Variants in RHPN1 observed in about 807,000 individuals in gnomAD.
RHPN1 encodes rhophilin Rho GTPase binding protein 1, also known as rhophilin-1.
RHPN1 carries 77 observed loss-of-function variants against 74.7 expected under a neutral mutation model. That is an observed-to-expected ratio of 1.03 (90% CI 0.86 to 1.25). RHPN1 has a LOEUF of 1.25. RHPN1 is among the 50% of genes most tolerant of loss of function. RHPN1 has a pLI of 0.00. For missense variants in RHPN1, 987 were observed against 932.2 expected (o/e 1.06, Z -0.77); for synonymous variants, 444 against 414.5 (o/e 1.07, Z -0.87).
chr8:143,366,968 T>C (rs1051926070), upstream of RHPN1: 1 of 152,242 alleles, frequency 6.6e-6, no homozygotes, highest in East Asian at 1.9e-4. Context: ...AGTGTGAACT[T>C]TGGAAGCATC....
upstream of RHPN1, among the ~76,000 whole-genome samples, chr8:143,364,486 C>A (rs1350611454): frequency 6.6e-6 from 1 of 152,148 alleles, no homozygotes; most frequent in African/African-American, 2.4e-5. This position sits in a 1 kb window ranked among gnomAD's most constrained non-coding sequence, Gnocchi z 4.5. Flanking sequence ...GGAGGCCCCA[C>A]CAGGGCCTGG....
In RHPN1 at chr8:143,382,562, C is replaced by T. The variant is rs1563806962; in HGVS notation, c.1924C>T (p.Gln642Ter). 6 of 1,611,672 alleles carry T rather than the reference C, an allele frequency of 3.7e-6. No homozygotes were observed. The highest frequency in any genetic ancestry group is 1.7e-6 in the Non-Finnish European group (2 of 1,179,712). ...RPLLNWSRKA[Q>*]QGKTGGCPQP... ...CCTCCTCAACTGGAGCCGAAAGGCC[C>T]AGCAGGGCAAGACTGGAGGCTGCCC... The change falls in exon 15 of 15, where the codon CAG (glutamine) becomes TAG (stop). Residue 642 changes from glutamine (Q) to a stop codon, truncating the protein, a stop_gained. Coordinates refer to ENST00000289013, the MANE Select transcript of RHPN1 (RefSeq NM_052924.3). LOFTEE classifies it low-confidence loss of function (END_TRUNC).
rs1297358244 is a variant in RHPN1 at position 143,380,646 on chromosome 8, C to T, written c.1274C>T (p.Ala425Val). Residue 425 changes from alanine to valine, a missense_variant, in exon 11 of 15, where the codon GCC becomes GTC. By Grantham distance (64) the Ala-to-Val change is moderately conservative. Transcript: ENST00000289013. ...LGQEEALRLHALCRVLREVDL... is the reference protein window; with the variant it reads ...LGQEEALRLHVLCRVLREVDL... ...CAGGAGGAGGCGCTGCGGCTGCACG[C>T]CCTGTGCCGCGTCCTGCGCGAGGTG... The T allele has an allele frequency of 1.3e-6, 2 of 1,563,488 alleles. No homozygotes were observed. The highest frequency in any genetic ancestry group is 1.7e-6 in the Non-Finnish European group (2 of 1,154,610).
chr8:143,381,546 G>A, intron 12 of RHPN1, 26 bp from the exon 13 acceptor site: 1 of 1,593,524 alleles, frequency 6.3e-7, no homozygotes, highest in Non-Finnish European at 8.5e-7. Flanking sequence ...GCCCAGCTGG[G>A]CCTCTGACCT....
rs1001752756 is a variant in RHPN1, at chr8:143,379,464, C to G, written c.901C>G (p.Gln301Glu). The change falls in exon 8 of 15, where the codon CAA (glutamine) becomes GAA (glutamate). Residue 301 changes from glutamine to glutamate, a missense_variant. Coordinates refer to ENST00000289013, the MANE Select transcript of RHPN1 (RefSeq NM_052924.3). Reference sequence around the variant, plus strand: ...CTCACCACCTGCCTCCATGGCCCCCCAAGACTGCCTGGCCCAGCTGCGCCT... The same window carrying G: ...CTCACCACCTGCCTCCATGGCCCCCGAAGACTGCCTGGCCCAGCTGCGCCT... ...GLSPPASMAP[Q>E]DCLAQLRLAQ... 6.4e-7 allele frequency: 1 copy of G among 1,570,110 alleles called. No individual in the cohort carries two copies. Among genetic ancestry groups the G allele is most frequent in the African/African-American group, 1.4e-5 (1 of 73,724 alleles).
At chr8:143,371,340 G>T (rs1201510818) in intron 1 of RHPN1, among the ~76,000 whole-genome samples, 1 of 152,126 alleles carries the variant, frequency 6.6e-6, no homozygotes, top group Non-Finnish European at 1.5e-5. Context: ...CTTCAGTGGG[G>T]GCAGAGGAGA....
Position 143,381,685 on chromosome 8 carries a change from C to A in RHPN1, c.1602C>A (p.Leu534=), listed in dbSNP as rs1230286072. Residue 534 remains leucine, a synonymous_variant, in exon 13 of 15, where the codon CTC becomes CTA. Transcript: ENST00000289013. ...CGCTTCGGGGAGACTCGCCTGTCCT[C>A]ATCGCTGCCGTCATTCCAGGGAGCC... ...GLTLRGDSPV[L]IAAVIPGSQA... is the part of the protein sequence containing the mutation. 1.9e-6 allele frequency: 3 copies of A among 1,611,404 alleles called. No homozygotes were observed. In the Admixed American group the frequency reaches 5.0e-5, roughly 27 times the overall value.
At chr8:143,365,818 G>A (rs563995550), upstream of RHPN1, among the ~76,000 whole-genome samples, 32 of 152,032 alleles carry the variant, frequency 2.1e-4, no homozygotes, top group South Asian at 1.0e-3. Flanking sequence ...GCAACATAGC[G>A]AGACCCCATC....
intron 11 of RHPN1, 86 bp from the exon 12 acceptor site, chr8:143,381,182 C>T: frequency 8.5e-7 from 1 of 1,181,096 alleles, no homozygotes. Context: ...CCTGTGTGCA[C>T]TCAGGGTCAT....
chr8:143,376,870 A>ATGTGTGCATTG (rs56074270), intron 3 of RHPN1, among the ~76,000 whole-genome samples: 145,341 of 148,398 alleles, frequency 0.98, 71,202 homozygotes, highest in South Asian at 0.99. Flanking sequence ...CTGTGTGTAT[A>ATGTGTGCATTG]TGTGTGTGCA....
At chr8:143,379,541 G>T (rs775652244) in intron 8 of RHPN1, 33 bp downstream of exon 8, 2 of 1,517,208 alleles carry the variant, frequency 1.3e-6, no homozygotes, top group Non-Finnish European at 1.8e-6. Context: ...GGATGCAGGG[G>T]GTGGGGCCGA....
chr8:143,381,505 T>A, intron 12 of RHPN1, 67 bp from the exon 13 acceptor site: 1 of 1,541,724 alleles, frequency 6.5e-7, no homozygotes, highest in Non-Finnish European at 8.7e-7. Context: ...TGGATGGATG[T>A]GCTAGTCAGG....
Position 143,378,795 on chromosome 8 carries a change from A to C in RHPN1, c.559A>C (p.Arg187=). The change falls in exon 6 of 15, where the codon AGG becomes CGG. Residue 187 remains arginine (R), a synonymous_variant. Coordinates refer to ENST00000289013, the MANE Select transcript of RHPN1 (RefSeq NM_052924.3). The part of the protein sequence containing the change: ...FLDARFLTPA[R]SLGLFFHWYD... ...GGATGCGCGCTTCCTCACCCCTGCC[A>C]GGAGCCTCGGGCTCTTCTTCCACTG... 6.4e-7 allele frequency: 1 copy of C among 1,566,004 alleles called. No individual in the cohort carries two copies. Among genetic ancestry groups the C allele is most frequent in the Non-Finnish European group, 8.7e-7 (1 of 1,155,750 alleles).
chr8:143,382,657 A>G lies in RHPN1; in HGVS notation c.*6A>G, dbSNP rs1818825700. The G allele has an allele frequency of 6.2e-7, 1 of 1,606,230 alleles. No homozygotes were observed. The highest frequency in any genetic ancestry group is 8.5e-7 in the Non-Finnish European group (1 of 1,178,424). ...AGCACCCAGGGTGGCCGTGAGGGCC[A>G]GGATCCCTGCACGCCTCAGCCCTGG... On this transcript the variant is annotated 3_prime_UTR_variant, in exon 15 of 15. Transcript: ENST00000289013.
intron 7 of RHPN1, 107 bp from the exon 8 acceptor site, chr8:143,379,208 T>C: frequency 7.2e-7 from 1 of 1,386,490 alleles, no homozygotes; most frequent in Non-Finnish European, 9.5e-7. Flanking sequence ...GCACATCAGG[T>C]CCATATGTGT....
chr8:143,374,034 C>G (rs907248773), intron 1 of RHPN1: 11 of 771,272 alleles, frequency 1.4e-5, no homozygotes, highest in Non-Finnish European at 1.7e-5. Context: ...GACGAGCAGG[C>G]CTTCTGTCTA....
chr8:143,382,020 T>C, intron 14 of RHPN1, 52 bp downstream of exon 14: 1 of 1,495,404 alleles, frequency 6.7e-7, no homozygotes. Flanking sequence ...GTCACCACCC[T>C]GGCCCTGGGC....
At chr8:143,366,841 C>T (rs1013410404), upstream of RHPN1, 1 of 152,358 alleles carries the variant, frequency 6.6e-6, no homozygotes, top group East Asian at 1.9e-4. Flanking sequence ...ATGGTAATGC[C>T]TCCTGTACAC....
rs1818426672 is a variant in RHPN1 at position 143,378,352 on chromosome 8, T to C, written c.459+6T>C. On this transcript the variant is annotated splice_donor_region_variant and intron_variant, in intron 5 of 14. Coordinates refer to ENST00000289013, the MANE Select transcript of RHPN1 (RefSeq NM_052924.3). ...AGCTGGAGGCCCTGCGGCAGGTGTG[T>C]GGTTCCCCCGCCCACCCACCCTCCT... 3 of 1,541,084 alleles carry C rather than the reference T, an allele frequency of 1.9e-6. No homozygotes were observed. The highest frequency in any genetic ancestry group is 2.4e-5 in the East Asian group (1 of 40,896).
Sources: gnomAD v4.1 joint callset for allele counts (sites outside exome capture counted in the v4.1 genomes callset) on GRCh38, gnomAD v4.1.1 for gene constraint, Gnocchi (gnomAD v3.1) non-coding constraint, MANE v1.5 for transcripts, NCBI Gene and HGNC (gene_info 2026-07-23, HGNC 2026-07-21) for gene names.